TPRG1: variants seen among roughly 807,000 people sequenced by gnomAD.
TPRG1 encodes tumor protein p63 regulated 1.
Under a neutral mutation model 29.3 loss-of-function variants are expected in TPRG1, and 29 were observed. The ratio of observed to expected loss-of-function variants is 0.99; its 90% CI spans 0.74 to 1.35. TPRG1 has a LOEUF of 1.35. Ranked by LOEUF, TPRG1 falls within the 40% of genes most tolerant of loss-of-function variation. TPRG1 has a pLI of 0.00. For synonymous variants in TPRG1, 130 were observed against 116.8 expected (o/e 1.11, Z -0.73); for missense variants, 327 against 335.0 (o/e 0.98, Z 0.19).
chr3:189,187,370 G>T (rs867218753), intron 1 of TPRG1, among the ~76,000 whole-genome samples: 1 of 151,806 alleles, frequency 6.6e-6, no homozygotes, highest in East Asian at 1.9e-4. Flanking sequence ...GCAGTGACAC[G>T]GTATTGGCTC....
upstream of TPRG1, among the ~76,000 whole-genome samples, chr3:189,095,602 G>T (rs1718623287): frequency 6.6e-6 from 1 of 152,132 alleles, no homozygotes; most frequent in Non-Finnish European, 1.5e-5. Flanking sequence ...TTCAGGCAAA[G>T]CTCCTCTCTA....
chr3:189,207,247 T>G, intron 1 of TPRG1, 129 bp from the exon 2 acceptor site: 2 of 1,426,856 alleles, frequency 1.4e-6, no homozygotes, highest in African/African-American at 1.4e-5. Context: ...ATGCCTCTGT[T>G]TAGTTAACAT....
intron 4 of TPRG1, among the ~76,000 whole-genome samples, chr3:189,049,883 A>T (rs889254640): frequency 6.6e-6 from 1 of 152,170 alleles, no homozygotes; most frequent in African/African-American, 2.4e-5. Flanking sequence ...TTTGAACTGA[A>T]TGACAATAAT....
At chr3:189,249,311 T>C (rs1352586316) in intron 4 of TPRG1, among the ~76,000 whole-genome samples, 1 of 151,886 alleles carries the variant, frequency 6.6e-6, no homozygotes, top group Non-Finnish European at 1.5e-5. Flanking sequence ...ATGTTGAATC[T>C]TTAGATGTAA....
chr3:189,281,289 C>A (rs1249464039), intron 4 of TPRG1, among the ~76,000 whole-genome samples: 1 of 152,224 alleles, frequency 6.6e-6, no homozygotes, highest in East Asian at 1.9e-4. Flanking sequence ...AATATCACTT[C>A]CCACAAATGT....
At chr3:189,269,453 G>T (rs747001846) in intron 4 of TPRG1, among the ~76,000 whole-genome samples, 4 of 152,094 alleles carry the variant, frequency 2.6e-5, no homozygotes, top group African/African-American at 9.7e-5. Context: ...ACTTAGGTGC[G>T]CCAGTTTAAA....
intron 5 of TPRG1, among the ~76,000 whole-genome samples, chr3:189,154,306 T>C (rs79759899): frequency 0.019 from 2,864 of 152,310 alleles, 89 homozygotes; most frequent in African/African-American, 0.065. Context: ...AGTAATTTTA[T>C]TCATTGATTC....
intron 4 of TPRG1, among the ~76,000 whole-genome samples, chr3:189,272,822 G>A (rs1715462935): frequency 6.6e-6 from 1 of 151,216 alleles, no homozygotes; most frequent in Admixed American, 6.6e-5. Flanking sequence ...AGGATCAGTA[G>A]GTCCACTAGG....
intron 3 of TPRG1, among the ~76,000 whole-genome samples, chr3:189,219,958 G>A (rs923968387): frequency 1.4e-4 from 21 of 152,138 alleles, no homozygotes; most frequent in Admixed American, 7.2e-4. Flanking sequence ...ACATATAGAC[G>A]GTAGAATCAA....
chr3:189,080,470 C>A (rs1031886239), intron 4 of TPRG1, among the ~76,000 whole-genome samples: 21 of 152,180 alleles, frequency 1.4e-4, no homozygotes, highest in South Asian at 6.2e-4. Context: ...TTTCTTGAAT[C>A]TTTTTTCCTG....
intron 4 of TPRG1, among the ~76,000 whole-genome samples, chr3:189,255,644 A>C (rs573690275): frequency 1.3e-5 from 2 of 152,186 alleles, no homozygotes; most frequent in Non-Finnish European, 2.9e-5. Context: ...CTGTGAAGCC[A>C]TCTGGTCCTG....
intron 4 of TPRG1, among the ~76,000 whole-genome samples, chr3:189,286,322 T>C (rs2109169952): frequency 6.6e-6 from 1 of 152,200 alleles, no homozygotes; most frequent in East Asian, 1.9e-4. Context: ...ATCATATCCT[T>C]CTGCCACATA....
rs79245356 is a variant in TPRG1, at chr3:189,030,320, A to G, written c.-463+6374A>G. Among the ~76,000 whole-genome samples, 811 of 152,360 alleles carry G rather than the reference A, an allele frequency of 5.3e-3. 10 individuals are homozygous for G. Among genetic ancestry groups the G allele is most frequent in the African/African-American group, 0.019 (794 of 41,586 alleles). ...AAAGATATAAACAAAAGTAAAAAACAACATCCAGTTAAATTTAAATTCAAG... is the reference window on the plus strand; with the variant it reads ...AAAGATATAAACAAAAGTAAAAAACGACATCCAGTTAAATTTAAATTCAAG... On this transcript the variant is annotated intron_variant, in intron 4 of 10. Coordinates refer to the TPRG1 transcript ENST00000433971.
chr3:189,151,392 A>G (rs926706120), intron 5 of TPRG1, among the ~76,000 whole-genome samples: 2 of 152,200 alleles, frequency 1.3e-5, no homozygotes, highest in Non-Finnish European at 2.9e-5. Context: ...TCAGAGACGT[A>G]TTTTGGAGAC....
At chr3:189,312,117 GTTTCTTTCTTTCTTTCTTTCTTTCTTTC>G (rs71169040) in intron 5 of TPRG1, among the ~76,000 whole-genome samples, 7 of 61,356 alleles carry the variant, frequency 1.1e-4, no homozygotes, top group African/African-American at 5.4e-4. Flanking sequence ...TTCTTTCTTT[GTTTCTTTCTTTCTTTCTTTCTTTCTTTC>G]TTTCTTTCTT....
At chr3:189,197,182 G>A (rs1385941325) in intron 1 of TPRG1, among the ~76,000 whole-genome samples, 1 of 152,120 alleles carries the variant, frequency 6.6e-6, no homozygotes, top group Non-Finnish European at 1.5e-5. Context: ...TCAAAATCAG[G>A]GATTGTGTTT....
At chr3:189,140,005 A>G (rs1221161567) in intron 3 of TPRG1, among the ~76,000 whole-genome samples, 1 of 152,336 alleles carries the variant, frequency 6.6e-6, no homozygotes, top group East Asian at 1.9e-4. Context: ...GTCCAAAGAC[A>G]TACTTGGTTA....
At chr3:189,234,767 G>A (rs780415069) in intron 3 of TPRG1, among the ~76,000 whole-genome samples, 22 of 152,236 alleles carry the variant, frequency 1.4e-4, no homozygotes, top group Non-Finnish European at 2.9e-4. Context: ...GTATAGGAGG[G>A]GAGACAGACA....
intron 1 of TPRG1, among the ~76,000 whole-genome samples, chr3:189,124,778 T>C (rs1321435959): frequency 6.6e-6 from 1 of 152,148 alleles, no homozygotes; most frequent in Non-Finnish European, 1.5e-5. Context: ...TACTGAAATA[T>C]TTTCACATTC....
Sources: gnomAD v4.1 joint callset for allele counts (sites outside exome capture counted in the v4.1 genomes callset) on GRCh38, gnomAD v4.1.1 for gene constraint, MANE v1.5 for transcripts, NCBI Gene and HGNC (gene_info 2026-07-23, HGNC 2026-07-21) for gene names.